Variants in NLRP1 observed in about 807,000 individuals in gnomAD.
NLRP1 encodes the protein NLR family pyrin domain containing 1.
A neutral mutation model predicts 136.7 loss-of-function variants in NLRP1; 94 were observed. The ratio of observed to expected loss-of-function variants is 0.69; its 90% CI spans 0.58 to 0.82. The LOEUF (loss-of-function observed/expected upper bound fraction) is 0.82, where lower values mean the gene tolerates loss of function less well. NLRP1 is among the 40% of genes least tolerant of loss of function. NLRP1 has a pLI of 0.00. For synonymous variants in NLRP1, 690 were observed against 725.1 expected, an observed-to-expected ratio of 0.95 and a Z score of 0.78; for missense variants, 1,575 against 1,802.7, an observed-to-expected ratio of 0.87 and a Z score of 2.29.
In NLRP1 at chr17:5,537,268, T is replaced by C. The variant is rs1473546597; in HGVS notation, c.2871-328A>G. Among the ~76,000 whole-genome samples, 1 of 152,220 alleles carries C rather than the reference T, an allele frequency of 6.6e-6. No individual in the cohort carries two copies. Among genetic ancestry groups the C allele is most frequent in the South Asian group, 2.1e-4 (1 of 4,832 alleles). ...GGGGCTGGGCCTTTCTACCCCAACA[T>C]TGGCCAGTCATCGGATGTGGGCCTC... On this transcript the variant is annotated intron_variant, in intron 7 of 16. Transcript: ENST00000572272. This position sits in a 1 kb window ranked among gnomAD's most constrained non-coding sequence, Gnocchi z 4.5.
In NLRP1 at chr17:5,583,921, A is replaced by C; in HGVS notation, c.37T>G (p.Leu13Val). 6.2e-7 allele frequency: 1 copy of C among 1,609,204 alleles called. No homozygotes were observed. The highest frequency in any genetic ancestry group is 8.5e-7 in the Non-Finnish European group (1 of 1,177,562). Residue 13 changes from leucine to valine, a missense_variant, in exon 1 of 17, where the codon TTG becomes GTG. Physicochemically the swap from Leu to Val is conservative, Grantham distance 32. Transcript: ENST00000572272. The surrounding 1 kb of genome is among the most constrained non-coding windows in gnomAD (Gnocchi z 4.5). The stretch of plus-strand genomic sequence containing the variant: ...AGCTCCTCCTTCTTCAGGAACTCCA[A>C]GTAACAGGCCAGGCGGCCCCAGGCT... ...GGAWGRLACY[L>V]EFLKKEELKE... is the part of the protein sequence containing the mutation.
At chr17:5,572,329 A>G (rs535215172) in intron 3 of NLRP1, among the ~76,000 whole-genome samples, 1 of 152,230 alleles carries the variant, frequency 6.6e-6, no homozygotes, top group South Asian at 2.1e-4. Flanking sequence ...AGAATGGGAG[A>G]AAATATTTGC....
intron 16 of NLRP1, among the ~76,000 whole-genome samples, 195 bp downstream of exon 16, chr17:5,515,278 C>T (rs1354337599): frequency 2.0e-5 from 3 of 152,150 alleles, no homozygotes; most frequent in African/African-American, 7.2e-5. Flanking sequence ...TGGAGGCTGT[C>T]AGATAAGGAA....
At chr17:5,536,970 TG>T in intron 7 of NLRP1, 30 bp from the exon 8 acceptor site, 2 of 1,530,854 alleles carry the variant, frequency 1.3e-6, no homozygotes, top group South Asian at 2.2e-5. Flanking sequence ...CGGGTCCTCC[TG>T]GGATCCCCCA....
At position 5,530,547 on chromosome 17, in the gene NLRP1, G is replaced by A; in HGVS notation, c.3454C>T (p.Leu1152=). ...QHSWMVAGPL[L]DIKAEPGAVE... ...GCTCCAGGCTCAGCCTTGATGTCCA[G>A]CAGAGGCCCTGCCACCATCCAGCTG... Residue 1152 remains leucine, a synonymous_variant, in exon 12 of 17, where the codon CTG becomes TTG. Coordinates refer to ENST00000572272, the MANE Select transcript of NLRP1 (RefSeq NM_033004.4). 1 of 1,614,224 alleles carries A rather than the reference G, an allele frequency of 6.2e-7. No homozygotes were observed. Among genetic ancestry groups the A allele is most frequent in the Non-Finnish European group, 8.5e-7 (1 of 1,180,048 alleles).
intron 5 of NLRP1, among the ~76,000 whole-genome samples, chr17:5,546,389 G>A (rs951885014): frequency 6.6e-6 from 1 of 152,140 alleles, no homozygotes; most frequent in African/African-American, 2.4e-5. Context: ...TCATCACATA[G>A]TCCTTTCTCT....
At chr17:5,569,214 A>G (rs1915624774) in intron 3 of NLRP1, among the ~76,000 whole-genome samples, 1 of 152,176 alleles carries the variant, frequency 6.6e-6, no homozygotes, top group Non-Finnish European at 1.5e-5. Flanking sequence ...CAACTACAAA[A>G]TCAAGTCTGC....
chr17:5,552,084 CTTTTTTTTTTTTTTTTT>C (rs71151872), intron 5 of NLRP1, among the ~76,000 whole-genome samples: 2 of 96,670 alleles, frequency 2.1e-5, no homozygotes, highest in Non-Finnish European at 3.7e-5. Context: ...TCTATCTTTC[CTTTTTTTTTTTTTTTTT>C]TTTTTTTTTT....
chr17:5,537,686 C>T lies in NLRP1; in HGVS notation c.2871-746G>A, dbSNP rs1331108702. Among the ~76,000 whole-genome samples the T allele has an allele frequency of 6.6e-6, 1 of 152,136 alleles. No homozygotes were observed. Among genetic ancestry groups the T allele is most frequent in the African/African-American group, 2.4e-5 (1 of 41,422 alleles). The stretch of plus-strand genomic sequence containing the variant: ...GAGCTGTTCTGCCCCTGGGGAGGAG[C>T]GCAGACCTTGAAGTAGAAGGTTATT... On this transcript the variant is annotated intron_variant, in intron 7 of 16. Transcript: ENST00000572272. This position sits in a 1 kb window ranked among gnomAD's most constrained non-coding sequence, Gnocchi z 4.5.
intron 6 of NLRP1, 43 bp from the exon 7 acceptor site, chr17:5,539,628 G>C (rs1311554717): frequency 6.6e-7 from 1 of 1,520,650 alleles, no homozygotes; most frequent in South Asian, 1.3e-5. Flanking sequence ...TGTCCTAAGG[G>C]CTCGCTCTTC....
intron 3 of NLRP1, among the ~76,000 whole-genome samples, chr17:5,572,714 A>G (rs1004879840): frequency 2.0e-5 from 3 of 150,100 alleles, no homozygotes; most frequent in Admixed American, 6.6e-5. Flanking sequence ...TGTCTCAGAA[A>G]AAAAAAAAAA....
intron 15 of NLRP1, chr17:5,502,295 T>C: frequency 2.3e-5 from 4 of 170,774 alleles, no homozygotes; most frequent in South Asian, 1.2e-4. Flanking sequence ...CAGTTCCTTT[T>C]TTTTTTTTTT....
At chr17:5,551,099 T>C (rs1048434561) in intron 5 of NLRP1, among the ~76,000 whole-genome samples, 5 of 152,176 alleles carry the variant, frequency 3.3e-5, no homozygotes, top group Admixed American at 3.3e-4. Flanking sequence ...GTACATTCTA[T>C]GGATTTTGAT....
At position 5,504,396 on chromosome 17, in the gene NLRP1, G is replaced by C. The variant is rs185851284; in HGVS notation, c.4070-2524C>G. On this transcript the variant is annotated intron_variant, in intron 15 of 15. Transcript: ENST00000262467. The surrounding 1 kb of genome is among the most constrained non-coding windows in gnomAD (Gnocchi z 4.4). The stretch of plus-strand genomic sequence containing the variant: ...GCACTTTGGGAGGCTGAGGTAGGTG[G>C]ATCACCTGAGGTCAGGAGTTCGAGA... The C allele has an allele frequency of 1.3e-5, 2 of 152,322 alleles. No homozygotes were observed. Among genetic ancestry groups the C allele is most frequent in the African/African-American group, 4.8e-5 (2 of 41,510 alleles). The allele number at this position is 152,322 out of a possible 1,614,324, so 9.4% of individuals were successfully genotyped here. A position where few individuals can be genotyped will look rare whatever the true frequency, so the allele number is the denominator to read the frequency against.
chr17:5,551,135 A>C (rs9912822), intron 5 of NLRP1, among the ~76,000 whole-genome samples: 163 of 152,276 alleles, frequency 1.1e-3, no homozygotes, highest in Middle Eastern at 3.4e-3. Flanking sequence ...TGTATGAACG[A>C]TTACAGTATA....
chr17:5,565,708 A>G (rs1380603407), intron 3 of NLRP1, among the ~76,000 whole-genome samples: 1 of 152,166 alleles, frequency 6.6e-6, no homozygotes, highest in South Asian at 2.1e-4. Flanking sequence ...GAGTGTGGTA[A>G]TAGTCCTTCC....
chr17:5,515,470 G>A lies in NLRP1; in HGVS notation c.4102+3C>T. The A allele has an allele frequency of 6.2e-7, 1 of 1,612,214 alleles. No individual in the cohort carries two copies. Among genetic ancestry groups the A allele is most frequent in the African/African-American group, 1.3e-5 (1 of 74,978 alleles). ...CCTGTGGTCTCTGAGAGCTGTTACT[G>A]ACCTATGCGGGCTGGAGGGATCAGA... On this transcript the variant is annotated splice_donor_region_variant and intron_variant, in intron 16 of 16. Transcript: ENST00000572272.
At chr17:5,532,798 G>T in intron 11 of NLRP1, 24 bp downstream of exon 11, 1 of 1,568,606 alleles carries the variant, frequency 6.4e-7, no homozygotes, top group South Asian at 1.2e-5. Context: ...GCCAGCCTGG[G>T]ACCAGCAGAG....
intron 3 of NLRP1, among the ~76,000 whole-genome samples, chr17:5,564,073 A>C (rs11652700): frequency 7.9e-5 from 12 of 152,002 alleles, no homozygotes; most frequent in Non-Finnish European, 1.5e-5. Flanking sequence ...AATTTTGTGG[A>C]TATGTAGTAG....
Sources: allele counts gnomAD v4.1 joint callset (sites outside exome capture counted in the v4.1 genomes callset), GRCh38; gene constraint gnomAD v4.1.1; non-coding constraint Gnocchi (gnomAD v3.1); transcripts MANE v1.5; gene names NCBI Gene and HGNC (gene_info 2026-07-23, HGNC 2026-07-21).